SEC14L1: variants seen among roughly 807,000 people sequenced by gnomAD.
The protein encoded by SEC14L1 is SEC14-like protein 1.
In SEC14L1, 48 loss-of-function variants were observed where a neutral mutation model predicts 85.3. That is an observed-to-expected ratio of 0.56 (90% CI 0.45 to 0.72). The LOEUF is 0.72. Among genes scored for constraint, SEC14L1 ranks in the 30% least tolerant of loss-of-function variants. The pLI is 0.00. For synonymous variants in SEC14L1, 391 were observed against 355.5 expected, an observed-to-expected ratio of 1.10 and a Z score of -1.12; for missense variants, 682 against 921.4, an observed-to-expected ratio of 0.74 and a Z score of 3.36.
At chr17:77,177,861 A>T (rs1242716542) in intron 3 of SEC14L1, among the ~76,000 whole-genome samples, 1 of 152,116 alleles carries the variant, frequency 6.6e-6, no homozygotes, top group Non-Finnish European at 1.5e-5. Context: ...GTTCTTTTGT[A>T]TGGACCAGGA....
Position 77,214,561 on chromosome 17 carries a change from T to A in SEC14L1, c.*538T>A, listed in dbSNP as rs1163916437. ...CTTGAGGTCCTTATCCTCTGAGGAT[T>A]CAGAGGTTGCCTGCGGAGTACCTTG... On this transcript the variant is annotated 3_prime_UTR_variant, in exon 17 of 17. Coordinates refer to ENST00000436233, the MANE Select transcript of SEC14L1 (RefSeq NM_001143998.2). The A allele has an allele frequency of 1.0e-6, 1 of 989,686 alleles. No individual in the cohort carries two copies. Among genetic ancestry groups the A allele is most frequent in the African/African-American group, 1.7e-5 (1 of 57,280 alleles). 61.3% of individuals were successfully genotyped at this position (989,686 alleles called of 1,614,324 possible). A position where few individuals can be genotyped will look rare whatever the true frequency, so the allele number is the denominator to read the frequency against.
intron 3 of SEC14L1, among the ~76,000 whole-genome samples, chr17:77,171,062 G>A (rs368990076): frequency 1.2e-4 from 19 of 152,258 alleles, no homozygotes; most frequent in Middle Eastern, 6.8e-3. Flanking sequence ...TTGGAATGGC[G>A]TTAACCCTGA....
intron 3 of SEC14L1, among the ~76,000 whole-genome samples, chr17:77,158,798 CTTTTTTTTTTTTT>C (rs34186028): frequency 1.5e-3 from 59 of 39,242 alleles, no homozygotes; most frequent in Admixed American, 4.2e-3. Context: ...GCTTTCTTTC[CTTTTTTTTTTTTT>C]TTTTTTTTTT....
At chr17:77,158,958 A>C (rs972954495) in intron 3 of SEC14L1, among the ~76,000 whole-genome samples, 31 of 150,580 alleles carry the variant, frequency 2.1e-4, no homozygotes, top group Non-Finnish European at 4.4e-5. Context: ...AATGTGCACC[A>C]CCACGCCCGG....
intron 3 of SEC14L1, among the ~76,000 whole-genome samples, chr17:77,109,164 C>G (rs1475964621): frequency 6.6e-6 from 1 of 151,774 alleles, no homozygotes; most frequent in Non-Finnish European, 1.5e-5. Flanking sequence ...AAAGCAGAAA[C>G]AGAACAAAAA....
At chr17:77,098,522 C>G (rs1003489481) in intron 3 of SEC14L1, among the ~76,000 whole-genome samples, 2 of 152,012 alleles carry the variant, frequency 1.3e-5, no homozygotes, top group Non-Finnish European at 2.9e-5. Flanking sequence ...TTTCCTGTTC[C>G]TACACATTGG....
intron 2 of SEC14L1, chr17:77,093,236 C>T (rs1170418252): frequency 6.6e-6 from 1 of 152,162 alleles, no homozygotes; most frequent in Non-Finnish European, 1.5e-5. Flanking sequence ...ATATACTTTT[C>T]TTTGCAGGTC....
At chr17:77,178,751 C>T (rs1013291504) in intron 3 of SEC14L1, among the ~76,000 whole-genome samples, 1 of 152,212 alleles carries the variant, frequency 6.6e-6, no homozygotes, top group African/African-American at 2.4e-5. Flanking sequence ...TCTGATGCTG[C>T]CACTGATGTG....
chr17:77,128,389 C>CATTTTATTTTATTTTATTTT (rs144559197), intron 3 of SEC14L1, among the ~76,000 whole-genome samples: 31 of 129,996 alleles, frequency 2.4e-4, no homozygotes, highest in Non-Finnish European at 3.3e-4. Flanking sequence ...CACACTTGAG[C>CATTTTATTTTATTTTATTTT]ATTTTATTTT....
chr17:77,156,369 G>A (rs1973817672), intron 3 of SEC14L1, among the ~76,000 whole-genome samples: 1 of 152,154 alleles, frequency 6.6e-6, no homozygotes, highest in Admixed American at 6.5e-5. Context: ...GAGGTCAGGA[G>A]TTTGAGACCA....
At chr17:77,197,953 TAAG>T (rs1975900980) in intron 8 of SEC14L1, among the ~76,000 whole-genome samples, 1 of 152,272 alleles carries the variant, frequency 6.6e-6, no homozygotes, top group South Asian at 2.1e-4. Flanking sequence ...TAGTCTGACT[TAAG>T]TAGTAAAGAA....
intron 3 of SEC14L1, among the ~76,000 whole-genome samples, chr17:77,097,026 G>A (rs901353267): frequency 6.6e-6 from 1 of 152,192 alleles, no homozygotes; most frequent in African/African-American, 2.4e-5. Flanking sequence ...GGCACTGCAC[G>A]TGGAGATAAG....
At chr17:77,098,547 C>T (rs1971700628) in intron 3 of SEC14L1, among the ~76,000 whole-genome samples, 1 of 152,008 alleles carries the variant, frequency 6.6e-6, no homozygotes, top group Admixed American at 6.6e-5. Flanking sequence ...TTGAGAGGAT[C>T]CCAGGTCTAT....
rs1262202099 is a variant in SEC14L1 at position 77,213,295 on chromosome 17, A to G, written c.1864-19A>G. 1 of 1,588,038 alleles carries G rather than the reference A, an allele frequency of 6.3e-7. No individual in the cohort carries two copies. The highest frequency in any genetic ancestry group is 1.3e-5 in the African/African-American group (1 of 74,596). On this transcript the variant is annotated intron_variant, in intron 15 of 16. Transcript: ENST00000436233. This position sits in a 1 kb window ranked among gnomAD's most constrained non-coding sequence, Gnocchi z 7.1. ...CGGAAGCGAGTCGCCCTCAGCTGCCACTGCCCTACTTGTTCTAGGGTTCCC... is the reference window on the plus strand; with the variant it reads ...CGGAAGCGAGTCGCCCTCAGCTGCCGCTGCCCTACTTGTTCTAGGGTTCCC...
chr17:77,213,658 C>T lies in SEC14L1; in HGVS notation c.2042+166C>T. ...GGTCATTTGTTGGCACGGTGACTCC[C>T]TGCCTGTCTGCAGAGGGAGAGTGTC... On this transcript the variant is annotated intron_variant, in intron 16 of 16. Transcript: ENST00000436233. This position sits in a 1 kb window ranked among gnomAD's most constrained non-coding sequence, Gnocchi z 7.1. 1 of 890,438 alleles carries T rather than the reference C, an allele frequency of 1.1e-6. No homozygotes were observed. Among genetic ancestry groups the T allele is most frequent in the East Asian group, 2.6e-5 (1 of 38,080 alleles). 55.2% of individuals were successfully genotyped at this position (890,438 alleles called of 1,614,324 possible).
rs1976897726 is a variant in SEC14L1, at chr17:77,213,782, C to T, written c.2043-136C>T. On this transcript the variant is annotated intron_variant, in intron 16 of 16. Coordinates refer to ENST00000436233, the MANE Select transcript of SEC14L1 (RefSeq NM_001143998.2). The surrounding 1 kb of genome is among the most constrained non-coding windows in gnomAD (Gnocchi z 7.1). ...CCCCTGGTGGGTTACTCATGTCCAT[C>T]CCCCGTTTGCAAGCACTGATGGGGA... is the stretch of plus-strand genomic sequence containing the variant. The T allele has an allele frequency of 8.6e-7, 1 of 1,164,020 alleles. No individual in the cohort carries two copies. The highest frequency in any genetic ancestry group is 1.3e-6 in the Non-Finnish European group (1 of 790,376). 72.1% of individuals were successfully genotyped at this position (1,164,020 alleles called of 1,614,324 possible).
In SEC14L1 at chr17:77,215,415, T is replaced by C. The variant is rs975247519; in HGVS notation, c.*1392T>C. ...AAACCCCACGCGGCTGTCAACTGTG[T>C]GCGTGGTAGGCATGGAGATCCTGGT... On this transcript the variant is annotated 3_prime_UTR_variant, in exon 17 of 17. Transcript: ENST00000436233. 3 of 985,338 alleles carry C rather than the reference T, an allele frequency of 3.0e-6. No individual in the cohort carries two copies. Among genetic ancestry groups the C allele is most frequent in the African/African-American group, 3.5e-5 (2 of 57,170 alleles). The allele number at this position is 985,338 out of a possible 1,614,324, so 61.0% of individuals were successfully genotyped here.
upstream of SEC14L1, among the ~76,000 whole-genome samples, chr17:77,137,818 C>A (rs1473345565): frequency 6.6e-6 from 1 of 152,166 alleles, no homozygotes; most frequent in South Asian, 2.1e-4. Context: ...TACATATAAC[C>A]CCCTTCTCTG....
chr17:77,169,861 A>G (rs1030342726), intron 3 of SEC14L1, among the ~76,000 whole-genome samples: 5 of 152,174 alleles, frequency 3.3e-5, no homozygotes, highest in Admixed American at 1.3e-4. Flanking sequence ...TGGAGTTGAC[A>G]GGTGGAGGGG....
Sources: allele counts gnomAD v4.1 joint callset (sites outside exome capture counted in the v4.1 genomes callset), GRCh38; gene constraint gnomAD v4.1.1; non-coding constraint Gnocchi (gnomAD v3.1); transcripts MANE v1.5; gene names NCBI Gene and HGNC (gene_info 2026-07-23, HGNC 2026-07-21).